The following EFCAB5 variants were observed in gnomAD, a reference collection of about 807,000 sequenced individuals.
EFCAB5 encodes the protein EF-hand calcium binding domain 5, also known as EF-hand calcium-binding domain-containing protein 5.
A neutral mutation model predicts 167.9 loss-of-function variants in EFCAB5; 131 were observed. The ratio of observed to expected loss-of-function variants is 0.78; its 90% CI spans 0.68 to 0.90. The LOEUF (loss-of-function observed/expected upper bound fraction) is 0.90, where lower values mean the gene tolerates loss of function less well. Among genes scored for constraint, EFCAB5 ranks in the 40% least tolerant of loss-of-function variants. The probability of loss-of-function intolerance (pLI) is 0.00; values close to 1 mark genes in which losing one functional copy is unlikely to be tolerated. For missense variants in EFCAB5, 1,663 were observed against 1,745.2 expected (o/e 0.95, Z 0.84); for synonymous variants, 574 against 602.8 (o/e 0.95, Z 0.70).
intron 7 of EFCAB5, among the ~76,000 whole-genome samples, chr17:30,022,446 T>C (rs1343445405): frequency 6.6e-6 from 1 of 151,904 alleles, no homozygotes; most frequent in Non-Finnish European, 1.5e-5. Flanking sequence ...AACACACACA[T>C]ATAATTACAA....
At chr17:30,045,500 G>GATAATGAAA (rs2151761759) in intron 8 of EFCAB5, among the ~76,000 whole-genome samples, 1 of 151,062 alleles carries the variant, frequency 6.6e-6, no homozygotes, top group South Asian at 2.1e-4. Context: ...AGCTTCTGGG[G>GATAATGAAA]ATAATGAAAA....
At chr17:30,019,828 CT>C (rs1390291021) in intron 7 of EFCAB5, among the ~76,000 whole-genome samples, 1 of 152,018 alleles carries the variant, frequency 6.6e-6, no homozygotes, top group Non-Finnish European at 1.5e-5. Context: ...CTCAGTTGTG[CT>C]TTTGTTCTTC....
chr17:30,095,555 C>T (rs996590861), intron 22 of EFCAB5, among the ~76,000 whole-genome samples: 1 of 152,160 alleles, frequency 6.6e-6, no homozygotes, highest in South Asian at 2.1e-4. Flanking sequence ...TGGTGGCTCT[C>T]ATAGGTGCCA....
intron 4 of EFCAB5, among the ~76,000 whole-genome samples, chr17:29,990,020 G>A (rs956898821): frequency 6.6e-6 from 1 of 152,106 alleles, no homozygotes; most frequent in Admixed American, 6.6e-5. Flanking sequence ...CATTGCTCTG[G>A]AATTAGAACT....
intron 7 of EFCAB5, among the ~76,000 whole-genome samples, chr17:30,029,274 T>G (rs980778832): frequency 6.6e-6 from 1 of 152,216 alleles, no homozygotes; most frequent in Non-Finnish European, 1.5e-5. Context: ...ATTTAATTCA[T>G]CTAACCTACT....
chr17:29,930,295 T>C (rs1359428192), intron 1 of EFCAB5: 1 of 462,992 alleles, frequency 2.2e-6, no homozygotes, highest in Non-Finnish European at 3.9e-6. Flanking sequence ...CGCCGCCGCC[T>C]GGTCGTAACC....
chr17:30,019,357 T>C lies in EFCAB5; in HGVS notation c.1045-14873T>C, dbSNP rs550073676. Among the ~76,000 whole-genome samples the C allele has an allele frequency of 1.0e-3, 155 of 152,196 alleles. 1 individual carries two copies. Among genetic ancestry groups the C allele is most frequent in the Admixed American group, 5.1e-3 (78 of 15,280 alleles). ...CAAAAGGCTTATTTTATTTATTGAGTAATCATATGATTATATTGATTTATT... is the reference window on the plus strand; with the variant it reads ...CAAAAGGCTTATTTTATTTATTGAGCAATCATATGATTATATTGATTTATT... On this transcript the variant is annotated intron_variant, in intron 7 of 22. Coordinates refer to ENST00000394835, the MANE Select transcript of EFCAB5 (RefSeq NM_198529.4).
At position 30,059,718 on chromosome 17, in the gene EFCAB5, T is replaced by G. The variant is rs2070374771; in HGVS notation, c.2737+17T>G. 6.4e-7 allele frequency: 1 copy of G among 1,573,848 alleles called. No homozygotes were observed. Among genetic ancestry groups the G allele is most frequent in the East Asian group, 2.3e-5 (1 of 44,364 alleles). On this transcript the variant is annotated intron_variant, in intron 14 of 22. Transcript: ENST00000394835. ...TGAAGAAAGGTAAAATATAAGAATG[T>G]TCTTATTTAAACTGTGGTAATTAAC...
intron 3 of EFCAB5, among the ~76,000 whole-genome samples, chr17:29,948,283 G>T (rs2151529280): frequency 6.6e-6 from 1 of 152,194 alleles, no homozygotes; most frequent in South Asian, 2.1e-4. Flanking sequence ...CACCTCCCCA[G>T]AAAACATATC....
chr17:29,986,002 C>G (rs922693183), intron 4 of EFCAB5, among the ~76,000 whole-genome samples: 1 of 152,170 alleles, frequency 6.6e-6, no homozygotes, highest in African/African-American at 2.4e-5. Flanking sequence ...CAAAGACAAA[C>G]AATACAGATT....
intron 1 of EFCAB5, among the ~76,000 whole-genome samples, chr17:29,936,022 C>T (rs982492215): frequency 6.2e-4 from 94 of 152,068 alleles, no homozygotes; most frequent in Non-Finnish European, 2.2e-4. Context: ...ATGCTGCTAC[C>T]AGGATGAAGA....
intron 8 of EFCAB5, among the ~76,000 whole-genome samples, chr17:30,039,005 A>G (rs1173180100): frequency 6.6e-6 from 1 of 152,118 alleles, no homozygotes; most frequent in Non-Finnish European, 1.5e-5. Flanking sequence ...TGCAGAAAGA[A>G]ACCAGCCAGC....
intron 7 of EFCAB5, among the ~76,000 whole-genome samples, chr17:30,005,531 G>A (rs1258856906): frequency 6.6e-6 from 1 of 151,890 alleles, no homozygotes; most frequent in Admixed American, 6.6e-5. Context: ...ATATATTAAA[G>A]ACATTATTTA....
At chr17:30,028,580 T>C (rs1367407603) in intron 7 of EFCAB5, among the ~76,000 whole-genome samples, 3 of 152,200 alleles carry the variant, frequency 2.0e-5, no homozygotes, top group Non-Finnish European at 4.4e-5. Flanking sequence ...GATGTGTCTC[T>C]TCCTAGGCAG....
intron 8 of EFCAB5, among the ~76,000 whole-genome samples, chr17:30,047,112 G>A (rs1180657308): frequency 6.6e-6 from 1 of 152,124 alleles, no homozygotes; most frequent in Non-Finnish European, 1.5e-5. Context: ...TGATATCTGG[G>A]AATAGTTTTA....
chr17:30,096,677 A>ATATTTT (rs1193558323), intron 22 of EFCAB5, among the ~76,000 whole-genome samples: 6 of 60,122 alleles, frequency 1.0e-4, no homozygotes, highest in African/African-American at 5.0e-4. Context: ...ATATATATAT[A>ATATTTT]TTTTTTTTTT....
At chr17:30,003,396 A>C (rs1461028400) in intron 7 of EFCAB5, among the ~76,000 whole-genome samples, 1 of 151,824 alleles carries the variant, frequency 6.6e-6, no homozygotes, top group African/African-American at 2.4e-5. Context: ...CCACCATATA[A>C]GGCTAAATTT....
intron 7 of EFCAB5, 85 bp downstream of exon 7, chr17:30,000,061 T>A: frequency 1.1e-6 from 1 of 937,110 alleles, no homozygotes; most frequent in Non-Finnish European, 1.6e-6. Flanking sequence ...ATCATTAAAT[T>A]AGTATTAAAT....
intron 4 of EFCAB5, among the ~76,000 whole-genome samples, chr17:29,970,701 C>T (rs1226025067): frequency 6.7e-6 from 1 of 149,120 alleles, no homozygotes; most frequent in Non-Finnish European, 1.5e-5. Flanking sequence ...CACCAGAAAA[C>T]CAACATCTGT....
Sources: gnomAD v4.1 joint callset for allele counts (sites outside exome capture counted in the v4.1 genomes callset) on GRCh38, gnomAD v4.1.1 for gene constraint, MANE v1.5 for transcripts, NCBI Gene and HGNC (gene_info 2026-07-23, HGNC 2026-07-21) for gene names.